The following MAP2 variants were observed in gnomAD, a reference collection of about 807,000 sequenced individuals.
The protein encoded by MAP2 is microtubule-associated protein 2.
Under a neutral mutation model 137.6 loss-of-function variants are expected in MAP2, and 14 were observed. The ratio of observed to expected loss-of-function variants is 0.10; its 90% CI spans 0.07 to 0.16. MAP2 has a LOEUF of 0.16. Ranked by LOEUF, MAP2 falls within the 10% of genes least tolerant of loss-of-function variation. MAP2 has a pLI of 1.00. For missense variants in MAP2, 2,088 were observed against 2,191.5 expected, an observed-to-expected ratio of 0.95 and a Z score of 0.94; for synonymous variants, 786 against 782.3, an observed-to-expected ratio of 1.00 and a Z score of -0.08.
Position 209,434,833 on chromosome 2 carries a change from CTA to C in MAP2, c.-222+10571_-222+10572del, listed in dbSNP as rs869181860. On this transcript the variant is annotated intron_variant, in intron 1 of 15. Coordinates refer to ENST00000682079, the MANE Select transcript of MAP2 (RefSeq NM_001375505.1). ...CCAGATCCTCTCTCTCTCTCTCTCT[CTA>C]TATATATATATATGTTATATATATA... is the stretch of plus-strand genomic sequence containing the variant. Among the ~76,000 whole-genome samples the C allele has an allele frequency of 7.0e-3, 649 of 93,000 alleles. 18 individuals carry two copies. Among genetic ancestry groups the C allele is most frequent in the Middle Eastern group, 0.038 (7 of 182 alleles). The allele number at this position is 93,000 out of a possible 152,430, so 61.0% of individuals were successfully genotyped here. A position where few individuals can be genotyped will look rare whatever the true frequency, so the allele number is the denominator to read the frequency against.
chr2:209,556,411 A>G (rs1010654400), intron 2 of MAP2, among the ~76,000 whole-genome samples: 2 of 152,040 alleles, frequency 1.3e-5, no homozygotes, highest in African/African-American at 4.8e-5. Context: ...TAGACAAGTT[A>G]TTTCATTTTC....
Position 209,696,357 on chromosome 2 carries a change from A to G in MAP2, c.4180+7A>G, listed in dbSNP as rs377700032. ...CTCTGGGTGGACACTCAAGGTGTGCATTATTATTATTATTATTTTAACTCA... is the reference window on the plus strand; with the variant it reads ...CTCTGGGTGGACACTCAAGGTGTGCGTTATTATTATTATTATTTTAACTCA... On this transcript the variant is annotated splice_region_variant and intron_variant, in intron 8 of 15. Coordinates refer to ENST00000682079, the MANE Select transcript of MAP2 (RefSeq NM_001375505.1). 13 of 1,496,288 alleles carry G rather than the reference A, an allele frequency of 8.7e-6. No individual in the cohort carries two copies. In the East Asian group the frequency reaches 2.1e-4, roughly 24 times the overall value. The allele number at this position is 1,496,288 out of a possible 1,614,324, so 92.7% of individuals were successfully genotyped here.
intron 2 of MAP2, among the ~76,000 whole-genome samples, chr2:209,518,420 A>T (rs1309293958): frequency 6.6e-6 from 1 of 152,040 alleles, no homozygotes; most frequent in Non-Finnish European, 1.5e-5. Context: ...TAGCCACAAT[A>T]GAGAGTTAGA....
Position 209,523,681 on chromosome 2 carries a change from C to T in MAP2, c.-172+16040C>T, listed in dbSNP as rs532918212. On this transcript the variant is annotated intron_variant, in intron 2 of 15. Coordinates refer to ENST00000682079, the MANE Select transcript of MAP2 (RefSeq NM_001375505.1). ...GGTAAAAAGAAATCTCTTCAAACTG[C>T]ATGAGACCTATTCAGCTCCATTTGG... Among the ~76,000 whole-genome samples the T allele has an allele frequency of 4.2e-3, 635 of 152,318 alleles. 9 individuals carry two copies. Among genetic ancestry groups the T allele is most frequent in the African/African-American group, 0.015 (604 of 41,584 alleles).
intron 1 of MAP2, among the ~76,000 whole-genome samples, chr2:209,439,705 T>C (rs913493301): frequency 2.0e-5 from 3 of 151,524 alleles, no homozygotes; most frequent in African/African-American, 7.3e-5. Context: ...TGCATATCAC[T>C]TATTGGTCAC....
intron 3 of MAP2, among the ~76,000 whole-genome samples, chr2:209,600,608 G>C (rs2082701858): frequency 6.6e-6 from 1 of 152,144 alleles, no homozygotes; most frequent in Non-Finnish European, 1.5e-5. Flanking sequence ...CTGTCTCAAA[G>C]AAAGGATTAT....
chr2:209,466,997 C>T (rs2149664670), intron 1 of MAP2, among the ~76,000 whole-genome samples: 1 of 152,202 alleles, frequency 6.6e-6, no homozygotes, highest in South Asian at 2.1e-4. Context: ...TCAGTATGTC[C>T]CAGTCAGAAC....
intron 2 of MAP2, among the ~76,000 whole-genome samples, chr2:209,578,394 T>A (rs952486719): frequency 4.7e-5 from 7 of 150,086 alleles, no homozygotes; most frequent in Admixed American, 1.3e-4. Flanking sequence ...AGTATAAAAC[T>A]GATGGAGGCG....
intron 2 of MAP2, among the ~76,000 whole-genome samples, chr2:209,532,191 T>C (rs1186434573): frequency 7.3e-6 from 1 of 136,410 alleles, no homozygotes; most frequent in Non-Finnish European, 1.5e-5. Flanking sequence ...TGAGCTGTGA[T>C]AGCATCACTA....
intron 2 of MAP2, among the ~76,000 whole-genome samples, chr2:209,514,466 C>T (rs2062176605): frequency 6.6e-6 from 1 of 152,026 alleles, no homozygotes. Flanking sequence ...CTTATGAAAT[C>T]AGTTCTGTGG....
chr2:209,511,489 G>C (rs1255518076), intron 2 of MAP2, among the ~76,000 whole-genome samples: 1 of 152,132 alleles, frequency 6.6e-6, no homozygotes, highest in African/African-American at 2.4e-5. Context: ...AAAGTGTTCT[G>C]GTGGCATTGG....
intron 2 of MAP2, among the ~76,000 whole-genome samples, chr2:209,559,479 C>CAAAA (rs59788211): frequency 6.9e-4 from 26 of 37,538 alleles, no homozygotes; most frequent in East Asian, 1.8e-3. Context: ...GCCAAAAATA[C>CAAAA]AAAAAAAAAA....
At chr2:209,710,440 A>T in intron 13 of MAP2, 186 bp downstream of exon 13, 1 of 587,058 alleles carries the variant, frequency 1.7e-6, no homozygotes, top group South Asian at 2.3e-5. Context: ...ATCACATGAC[A>T]TGCCCATTCC....
chr2:209,585,013 A>G (rs376334600), intron 3 of MAP2, among the ~76,000 whole-genome samples: 7 of 152,290 alleles, frequency 4.6e-5, no homozygotes, highest in African/African-American at 1.7e-4. Context: ...TGCTAAATGA[A>G]TGAGTGAGAA....
intron 2 of MAP2, among the ~76,000 whole-genome samples, chr2:209,522,121 C>T (rs958003392): frequency 2.0e-5 from 3 of 152,038 alleles, no homozygotes; most frequent in Non-Finnish European, 2.9e-5. Context: ...AAACCAGTGC[C>T]CCATTAGGAT....
rs1174120682 is a variant in MAP2, at chr2:209,694,163, A to G, written c.1993A>G (p.Lys665Glu). The change falls in exon 8 of 16, where the codon AAA (lysine) becomes GAA (glutamate). Residue 665 changes from lysine to glutamate, a missense_variant. This residue lies in a region of MAP2 where 859 missense variants were observed against 794.5 expected (regional missense o/e 1.08). Transcript: ENST00000682079. ...AGAAAGAATGTTCACTATTGATCCA[A>G]AAGTGTATGGAGAGAAAAGGGACCT... ...PQERMFTIDP[K>E]VYGEKRDLHS... 1.2e-6 allele frequency: 2 copies of G among 1,613,994 alleles called. No homozygotes were observed. Among genetic ancestry groups the G allele is most frequent in the Non-Finnish European group, 1.7e-6 (2 of 1,180,008 alleles).
At chr2:209,680,896 G>C (rs1419291572) in intron 7 of MAP2, 69 bp downstream of exon 7, 4 of 1,332,868 alleles carry the variant, frequency 3.0e-6, no homozygotes, top group Non-Finnish European at 4.3e-6. Context: ...CAATCAATAA[G>C]CTCTGGACTT....
intron 1 of MAP2, among the ~76,000 whole-genome samples, chr2:209,434,947 T>TATATATATATGTTATATATATATGTG (rs1559157795): frequency 8.5e-5 from 12 of 141,858 alleles, no homozygotes; most frequent in Middle Eastern, 3.9e-3. Context: ...ATATATGTGT[T>TATATATATATGTTATATATATATGTG]TTATATATAT....
At chr2:209,528,271 G>T (rs2064409752) in intron 2 of MAP2, among the ~76,000 whole-genome samples, 1 of 152,014 alleles carries the variant, frequency 6.6e-6, no homozygotes, top group Admixed American at 6.6e-5. Flanking sequence ...AGCTCTTCAG[G>T]ACAAATACTC....
Sources: allele counts gnomAD v4.1 joint callset (sites outside exome capture counted in the v4.1 genomes callset), GRCh38; gene constraint gnomAD v4.1.1; regional missense constraint gnomAD v4.1.1; transcripts MANE v1.5; gene names NCBI Gene and HGNC (gene_info 2026-07-23, HGNC 2026-07-21).